TULP2: variants seen among roughly 807,000 people sequenced by gnomAD.
TULP2 encodes the protein TUB like protein 2.
A neutral mutation model predicts 60.3 loss-of-function variants in TULP2; 64 were observed. That is an observed-to-expected ratio of 1.06 (90% CI 0.87 to 1.31). The LOEUF is 1.31. Ranked by LOEUF, TULP2 falls within the 50% of genes most tolerant of loss-of-function variation. The pLI is 0.00. For synonymous variants in TULP2, 267 were observed against 265.4 expected, an observed-to-expected ratio of 1.01 and a Z score of -0.06; for missense variants, 652 against 667.0, an observed-to-expected ratio of 0.98 and a Z score of 0.25.
In TULP2 at chr19:48,881,015, T is replaced by A; in HGVS notation, c.1559A>T (p.Asn520Ile). ...QAFSICLSSF[N>I] ...GAGTTATTCAACAGCCAGCTTCTAA[T>A]TGAAACTGGACAAGCAGATGCTGAA... The change falls in exon 13 of 13, where the codon AAT becomes ATT. Residue 520 changes from asparagine to isoleucine, a missense_variant. Physicochemically the swap from Asn to Ile is moderately radical, Grantham distance 149 (BLOSUM62 -3). Transcript: ENST00000221399. 1.9e-6 allele frequency: 3 copies of A among 1,613,132 alleles called. No homozygotes were observed. The highest frequency in any genetic ancestry group is 2.5e-6 in the Non-Finnish European group (3 of 1,179,432).
chr19:48,888,198 G>A lies in TULP2; in HGVS notation c.700C>T (p.His234Tyr). Residue 234 changes from histidine to tyrosine, a missense_variant, in exon 8 of 13, where the codon CAC (histidine) becomes TAC (tyrosine). By Grantham distance (83) the His-to-Tyr change is moderately conservative. Transcript: ENST00000221399. ...ESTGTNSSAA[H>Y]NEELSKALKG... Reference sequence around the variant, plus strand: ...AGGGCCTTGGACAACTCTTCGTTGTGTGCTGCTGAGGAGTTCGTCCCTGTA... The same window carrying A: ...AGGGCCTTGGACAACTCTTCGTTGTATGCTGCTGAGGAGTTCGTCCCTGTA... 6.2e-7 allele frequency: 1 copy of A among 1,614,038 alleles called. No individual in the cohort carries two copies. Among genetic ancestry groups the A allele is most frequent in the East Asian group, 2.2e-5 (1 of 44,872 alleles).
rs148733770 is a variant in TULP2, at chr19:48,893,225, C to T, written c.514+1773G>A. Among the ~76,000 whole-genome samples the T allele has an allele frequency of 5.5e-4, 84 of 152,130 alleles. No individual in the cohort carries two copies. The East Asian group carries it at 0.011, about 20-fold the overall frequency. ...TCTACTAAAAAACACAAAAAATTAG[C>T]CGAGCATGGTGGCACGCGCCTGTAA... On this transcript the variant is annotated intron_variant, in intron 6 of 12. Coordinates refer to ENST00000221399, the MANE Select transcript of TULP2 (RefSeq NM_003323.3).
intron 6 of TULP2, among the ~76,000 whole-genome samples, chr19:48,892,241 G>A (rs371425429): frequency 3.3e-5 from 5 of 152,186 alleles, no homozygotes; most frequent in Non-Finnish European, 7.3e-5. Flanking sequence ...TGTCTCAGTC[G>A]GGGAAATCCT....
rs753540253 is a variant in TULP2, at chr19:48,882,132, G to C, written c.1347C>G (p.Thr449=). 53 of 1,613,952 alleles carry C rather than the reference G, an allele frequency of 3.3e-5. No individual in the cohort carries two copies. Among genetic ancestry groups the C allele is most frequent in the Non-Finnish European group, 4.5e-5 (53 of 1,180,016 alleles). ...KQGLLLLHNK[T]PSWDKENGVY... ...CACCGTTCTCCTTGTCCCACGACGG[G>C]GTTTTGTTGTGCAACAAAAGCAACC... Residue 449 remains threonine, a synonymous_variant, in exon 12 of 13, where the codon ACC becomes ACG. Coordinates refer to ENST00000221399, the MANE Select transcript of TULP2 (RefSeq NM_003323.3).
intron 12 of TULP2, 67 bp from the exon 13 acceptor site, chr19:48,881,193 C>CTTTT (rs749458605): frequency 3.7e-5 from 11 of 294,522 alleles, no homozygotes; most frequent in East Asian, 7.0e-5. Flanking sequence ...AGAACTGAGA[C>CTTTT]TTTTTTTTTT....
chr19:48,883,490 T>G lies in TULP2; in HGVS notation c.1275+264A>C, dbSNP rs10416886. On this transcript the variant is annotated intron_variant, in intron 11 of 12. Coordinates refer to ENST00000221399, the MANE Select transcript of TULP2 (RefSeq NM_003323.3). Reference sequence around the variant, plus strand: ...TTTCTTGCCTGAGATCCAAGAACCCTCTCTTGGAGTCTGGATCAGACCCCT... The same window carrying G: ...TTTCTTGCCTGAGATCCAAGAACCCGCTCTTGGAGTCTGGATCAGACCCCT... Among the ~76,000 whole-genome samples the G allele has an allele frequency of 5.3e-3, 809 of 152,214 alleles. 11 individuals are homozygous for G. The highest frequency in any genetic ancestry group is 0.018 in the African/African-American group (764 of 41,506).
intron 6 of TULP2, among the ~76,000 whole-genome samples, chr19:48,892,677 G>C (rs997920771): frequency 6.6e-6 from 1 of 151,694 alleles, no homozygotes; most frequent in Non-Finnish European, 1.5e-5. Context: ...CTAATTTTTT[G>C]TATTTTCAGT....
In TULP2 at chr19:48,880,969, G is replaced by A; in HGVS notation, c.*42C>T. On this transcript the variant is annotated 3_prime_UTR_variant, in exon 13 of 13. Transcript: ENST00000221399. The stretch of plus-strand genomic sequence containing the variant: ...TCCAAATGAGGAGGCACAGAAGCTG[G>A]CAAGGGTATGGTATTTTATTGAGTT... 6.5e-7 allele frequency: 1 copy of A among 1,539,550 alleles called. No individual in the cohort carries two copies. Among genetic ancestry groups the A allele is most frequent in the East Asian group, 2.3e-5 (1 of 44,256 alleles).
chr19:48,883,176 G>A (rs1308696943), intron 11 of TULP2, among the ~76,000 whole-genome samples: 3 of 150,054 alleles, frequency 2.0e-5, no homozygotes, highest in Admixed American at 6.7e-5. Context: ...CCGAGATCGC[G>A]CCACTGCACT....
rs1450983779 is a variant in TULP2 at position 48,897,279 on chromosome 19, G to T, written c.84+66C>A. On this transcript the variant is annotated intron_variant, in intron 3 of 12. Coordinates refer to ENST00000221399, the MANE Select transcript of TULP2 (RefSeq NM_003323.3). The surrounding 1 kb of genome is among the most constrained non-coding windows in gnomAD (Gnocchi z 4.0). ...TGGGAGTCCTAGAGCAAGACCTGGT[G>T]GAGAGGCCCCTGGGGAGGCACAGAA... 6.4e-7 allele frequency: 1 copy of T among 1,558,072 alleles called. No individual in the cohort carries two copies. Among genetic ancestry groups the T allele is most frequent in the Non-Finnish European group, 8.8e-7 (1 of 1,135,502 alleles).
intron 8 of TULP2, among the ~76,000 whole-genome samples, chr19:48,887,311 C>T (rs1210669423): frequency 1.0e-4 from 4 of 39,376 alleles, no homozygotes; most frequent in East Asian, 1.8e-3. Context: ...GCGCCCAGCC[C>T]TTTTTTTTTT....
At chr19:48,891,043 G>T (rs561216637) in intron 6 of TULP2, among the ~76,000 whole-genome samples, 133 of 152,152 alleles carry the variant, frequency 8.7e-4, no homozygotes, top group African/African-American at 3.1e-3. Flanking sequence ...GGCCGGGCAC[G>T]GTGGCTCACG....
chr19:48,896,391 CT>C, intron 4 of TULP2, 38 bp downstream of exon 4: 1 of 1,564,574 alleles, frequency 6.4e-7, no homozygotes, highest in East Asian at 2.3e-5. Context: ...CCACAGGCCC[CT>C]CCCCTCCAGG....
Position 48,888,154 on chromosome 19 carries a change from C to A in TULP2, c.744G>T (p.Thr248=). ...CTTCGTGCCTCATATGGTCGCTGTCCGTGCCACCCTCGCCTTTCAGGGCCT... is the reference window on the plus strand; with the variant it reads ...CTTCGTGCCTCATATGGTCGCTGTCAGTGCCACCCTCGCCTTTCAGGGCCT... ...LSKALKGEGG[T]DSDHMRHEAS... Residue 248 remains threonine (T), a synonymous_variant, in exon 8 of 13, where the codon ACG becomes ACT. Coordinates refer to ENST00000221399, the MANE Select transcript of TULP2 (RefSeq NM_003323.3). 6.2e-7 allele frequency: 1 copy of A among 1,614,174 alleles called. No homozygotes were observed.
At chr19:48,881,914 G>A (rs1349261635) in intron 12 of TULP2, 118 bp downstream of exon 12, 9 of 1,320,550 alleles carry the variant, frequency 6.8e-6, no homozygotes, top group African/African-American at 1.4e-5. Context: ...TTGCAATAGG[G>A]TGGCATCTGC....
intron 9 of TULP2, among the ~76,000 whole-genome samples, chr19:48,884,691 A>G (rs1489847113): frequency 6.7e-4 from 100 of 150,006 alleles, no homozygotes; most frequent in African/African-American, 2.3e-3. Flanking sequence ...AATTGCTTGA[A>G]CCTGGGAGGC....
chr19:48,886,878 ATTTT>A (rs879506248), intron 8 of TULP2, among the ~76,000 whole-genome samples: 3 of 141,614 alleles, frequency 2.1e-5, no homozygotes, highest in Admixed American at 7.1e-5. Flanking sequence ...GGCCTGGCTA[ATTTT>A]TTTTTTTTTT....
intron 6 of TULP2, among the ~76,000 whole-genome samples, chr19:48,894,564 C>T (rs924945629): frequency 6.6e-6 from 1 of 152,078 alleles, no homozygotes; most frequent in Non-Finnish European, 1.5e-5. Flanking sequence ...TAGCTTGAAC[C>T]TAGGAGGCGG....
rs1422715848 is a variant in TULP2, at chr19:48,894,988, C to T, written c.514+10G>A. On this transcript the variant is annotated intron_variant, in intron 6 of 12. Transcript: ENST00000221399. The stretch of plus-strand genomic sequence containing the variant: ...GATCCCAGGTTTCACCCCAATGTCC[C>T]CTAAATTACCAGGTCGTTGGTGGGC... The T allele has an allele frequency of 2.5e-6, 4 of 1,608,916 alleles. No individual in the cohort carries two copies. The highest frequency in any genetic ancestry group is 1.1e-5 in the South Asian group (1 of 90,376).
Sources: gnomAD v4.1 joint callset for allele counts (sites outside exome capture counted in the v4.1 genomes callset) on GRCh38, gnomAD v4.1.1 for gene constraint, Gnocchi (gnomAD v3.1) non-coding constraint, MANE v1.5 for transcripts, NCBI Gene and HGNC (gene_info 2026-07-23, HGNC 2026-07-21) for gene names.